CCSER2: variants seen among roughly 807,000 people sequenced by gnomAD.
CCSER2 encodes the protein coiled-coil serine rich protein 2.
Under a neutral mutation model 92.3 loss-of-function variants are expected in CCSER2, and 46 were observed. The ratio of observed to expected loss-of-function variants is 0.50; its 90% CI spans 0.39 to 0.64. The LOEUF (loss-of-function observed/expected upper bound fraction) is 0.64, where lower values mean the gene tolerates loss of function less well. Among genes scored for constraint, CCSER2 ranks in the 30% least tolerant of loss-of-function variants. The pLI, the probability that CCSER2 is intolerant of heterozygous loss-of-function variation, is 0.00. For missense variants in CCSER2, 1,244 were observed against 1,238.9 expected (o/e 1.00, Z -0.06); for synonymous variants, 433 against 431.4 (o/e 1.00, Z -0.04).
chr10:84,336,408 G>T (rs1382585445), intron 1 of CCSER2, among the ~76,000 whole-genome samples: 1 of 152,226 alleles, frequency 6.6e-6, no homozygotes, highest in Non-Finnish European at 1.5e-5. Context: ...GCAGGAAGAG[G>T]TGAAAAGAAC....
At chr10:84,391,962 C>G in intron 3 of CCSER2, 1 of 1,353,818 alleles carries the variant, frequency 7.4e-7, no homozygotes, top group East Asian at 2.3e-5. Context: ...ATTTAAAAAT[C>G]AAGTAGGCGA....
chr10:84,461,505 C>T (rs1846099211), intron 6 of CCSER2, among the ~76,000 whole-genome samples: 1 of 152,090 alleles, frequency 6.6e-6, no homozygotes, highest in Non-Finnish European at 1.5e-5. Context: ...TGTTGCTCTT[C>T]ATCATTCAGA....
chr10:84,371,369 A>G lies in CCSER2; in HGVS notation c.317A>G (p.Asp106Gly). ...EKRVPTQGMF[D>G]KNGIKGGLKS... ...CGTGTTCCTACTCAAGGAATGTTTG[A>G]TAAAAATGGGATAAAGGGAGGTTTG... Residue 106 changes from aspartate (D) to glycine (G), a missense_variant, in exon 2 of 10, where the codon GAT becomes GGT. Transcript: ENST00000372088. The G allele has an allele frequency of 1.2e-6, 2 of 1,613,654 alleles. No individual in the cohort carries two copies. The highest frequency in any genetic ancestry group is 1.7e-6 in the Non-Finnish European group (2 of 1,179,820).
chr10:84,499,778 C>T, intron 9 of CCSER2: 1 of 1,170,102 alleles, frequency 8.5e-7, no homozygotes, highest in Non-Finnish European at 1.3e-6. Flanking sequence ...CACTATTGCT[C>T]TGTGTTATTT....
chr10:84,465,167 C>T (rs944427990), intron 7 of CCSER2, among the ~76,000 whole-genome samples: 5 of 141,408 alleles, frequency 3.5e-5, no homozygotes, highest in African/African-American at 5.1e-5. Context: ...TGATGACCTC[C>T]CAGTTTAGAA....
chr10:84,382,585 A>G (rs1369403781), intron 3 of CCSER2, among the ~76,000 whole-genome samples: 1 of 152,212 alleles, frequency 6.6e-6, no homozygotes, highest in African/African-American at 2.4e-5. Flanking sequence ...AGGACAATAC[A>G]AGAGCTCTCA....
chr10:84,372,157 G>GA lies in CCSER2; in HGVS notation c.1109dup (p.Asn370LysfsTer2). 1 of 1,613,496 alleles carries GA rather than the reference G, an allele frequency of 6.2e-7. No individual in the cohort carries two copies. The highest frequency in any genetic ancestry group is 8.5e-7 in the Non-Finnish European group (1 of 1,179,758). On this transcript the variant is annotated frameshift_variant, in exon 2 of 10. Transcript: ENST00000372088. LOFTEE classifies it high-confidence loss of function. ...TGCTAATAAGGACCAAGAACTGATT[G>GA]AAAATGAAAGTTATAGAACAAAAAA...
intron 9 of CCSER2, among the ~76,000 whole-genome samples, chr10:84,480,019 C>A (rs188943176): frequency 1.3e-3 from 194 of 152,156 alleles, no homozygotes; most frequent in Non-Finnish European, 1.6e-3. Context: ...CTGTGATAAT[C>A]CATAGAAACA....
At chr10:84,391,066 G>GC in intron 3 of CCSER2, 1 of 779,114 alleles carries the variant, frequency 1.3e-6, no homozygotes, top group South Asian at 1.3e-5. Context: ...AAACAAACCA[G>GC]AATATATTCA....
chr10:84,429,554 G>A (rs1843644637), intron 5 of CCSER2, among the ~76,000 whole-genome samples: 1 of 151,874 alleles, frequency 6.6e-6, no homozygotes, highest in African/African-American at 2.4e-5. Context: ...ATGAGAAATC[G>A]GCTGTTAATG....
At chr10:84,411,255 T>C (rs375761616) in intron 3 of CCSER2, among the ~76,000 whole-genome samples, 48 of 152,290 alleles carry the variant, frequency 3.2e-4, no homozygotes, top group African/African-American at 1.1e-3. Context: ...TTTAGTTCTT[T>C]TTGCTTAGGA....
At chr10:84,414,423 A>G (rs1842796010) in intron 3 of CCSER2, among the ~76,000 whole-genome samples, 1 of 152,160 alleles carries the variant, frequency 6.6e-6, no homozygotes, top group African/African-American at 2.4e-5. Context: ...GTTTGGCTGG[A>G]TATGAAATTC....
At chr10:84,468,073 C>A (rs1247138789) in intron 7 of CCSER2, among the ~76,000 whole-genome samples, 2 of 152,166 alleles carry the variant, frequency 1.3e-5, no homozygotes, top group African/African-American at 4.8e-5. Flanking sequence ...CTGGCCCTTG[C>A]ATAGTTTACT....
intron 9 of CCSER2, among the ~76,000 whole-genome samples, chr10:84,483,980 TATATATA>T (rs1847632238): frequency 8.0e-6 from 1 of 124,666 alleles, no homozygotes; most frequent in East Asian, 2.5e-4. Flanking sequence ...TATATATATA[TATATATA>T]TATATATATA....
chr10:84,369,206 C>T (rs1352272791), intron 1 of CCSER2, among the ~76,000 whole-genome samples: 1 of 151,074 alleles, frequency 6.6e-6, no homozygotes, highest in Non-Finnish European at 1.5e-5. Context: ...ATTGCTGGAT[C>T]AAATGGTAGA....
rs548936420 is a variant in CCSER2, at chr10:84,513,600, A to G, written c.2477A>G (p.His826Arg). 2.5e-6 allele frequency: 4 copies of G among 1,612,944 alleles called. No homozygotes were observed. Among genetic ancestry groups the G allele is most frequent in the South Asian group, 2.2e-5 (2 of 91,008 alleles). Residue 826 changes from histidine (H) to arginine (R), a missense_variant, in exon 10 of 10, where the codon CAC becomes CGC. Physicochemically the swap from His to Arg is conservative, Grantham distance 29. Coordinates refer to ENST00000372088, the MANE Select transcript of CCSER2 (RefSeq NM_001284240.2). ...GCACATCCGGAAGAAAGCTTTACAC[A>G]CGTCTTGCACCAAGAAAGCAACTAT... ...GGAHPEESFT[H>R]VLHQESNYGL...
intron 9 of CCSER2, among the ~76,000 whole-genome samples, chr10:84,481,589 G>T (rs768043642): frequency 6.6e-6 from 1 of 152,114 alleles, no homozygotes; most frequent in Non-Finnish European, 1.5e-5. Context: ...CACCTGGTGG[G>T]TGCTCTTCAT....
chr10:84,376,258 G>A (rs1846333468), intron 3 of CCSER2, among the ~76,000 whole-genome samples: 2 of 152,066 alleles, frequency 1.3e-5, no homozygotes, highest in Non-Finnish European at 1.5e-5. Context: ...TTTACGTACA[G>A]TAAAATGCAC....
intron 3 of CCSER2, among the ~76,000 whole-genome samples, chr10:84,404,117 A>G (rs1253525737): frequency 6.6e-6 from 1 of 152,228 alleles, no homozygotes; most frequent in East Asian, 1.9e-4. Context: ...CTCTGTAGCC[A>G]GATGCCAAAG....
Sources: gnomAD v4.1 joint callset for allele counts (sites outside exome capture counted in the v4.1 genomes callset) on GRCh38, gnomAD v4.1.1 for gene constraint, MANE v1.5 for transcripts, NCBI Gene and HGNC (gene_info 2026-07-23, HGNC 2026-07-21) for gene names.